NCOA7: variants seen among roughly 807,000 people sequenced by gnomAD.
NCOA7 encodes 140 kDa estrogen receptor-associated protein.
NCOA7 carries 45 observed loss-of-function variants against 104.3 expected under a neutral mutation model. The observed-to-expected ratio is 0.43, with a 90% CI of 0.34 to 0.55. The LOEUF (loss-of-function observed/expected upper bound fraction) is 0.55, where lower values mean the gene tolerates loss of function less well. Among genes scored for constraint, NCOA7 ranks in the 20% least tolerant of loss-of-function variants. NCOA7 has a pLI of 0.02. For missense variants in NCOA7, 1,041 were observed against 1,119.7 expected (o/e 0.93, Z 1.00); for synonymous variants, 398 against 402.3 (o/e 0.99, Z 0.13).
At chr6:125,781,489 G>A (rs1774225353) in intron 1 of NCOA7, 1 of 151,944 alleles carries the variant, frequency 6.6e-6, no homozygotes, top group African/African-American at 2.4e-5. Context: ...GATTTAAAGG[G>A]GTTATTAAGA....
intron 10 of NCOA7, among the ~76,000 whole-genome samples, chr6:125,907,375 A>C (rs1396543560): frequency 1.5e-5 from 2 of 132,094 alleles, no homozygotes; most frequent in Admixed American, 1.7e-4. Context: ...CGATGGGGGA[A>C]GCATTCAGGG....
chr6:125,805,064 A>C (rs1776305854), intron 1 of NCOA7, among the ~76,000 whole-genome samples: 1 of 150,910 alleles, frequency 6.6e-6, no homozygotes, highest in Non-Finnish European at 1.5e-5. Flanking sequence ...AGTTGGCCAT[A>C]AAGCTGGGTT....
intron 2 of NCOA7, among the ~76,000 whole-genome samples, chr6:125,817,628 A>G (rs1266692713): frequency 4.6e-5 from 7 of 151,940 alleles, no homozygotes; most frequent in Admixed American, 4.6e-4. Context: ...TTAGGTTTTT[A>G]CTGTTGAATT....
At chr6:125,843,536 C>T (rs1054287106) in intron 2 of NCOA7, among the ~76,000 whole-genome samples, 4 of 152,192 alleles carry the variant, frequency 2.6e-5, no homozygotes, top group African/African-American at 9.6e-5. Context: ...GAATAAACAA[C>T]TTCCAAATAC....
chr6:125,863,125 T>C lies in NCOA7; in HGVS notation c.271+7885T>C, dbSNP rs1782184283. On this transcript the variant is annotated intron_variant, in intron 3 of 15. Transcript: ENST00000392477. ...GAATTTAGAATCTAGAAATCAGTTA[T>C]ATTTCCTTAGAAACTCCAGTAGTTA... 2.2e-5 allele frequency among the ~76,000 whole-genome samples: 3 copies of C among 139,338 alleles called. 1 individual carries two copies. Among genetic ancestry groups the C allele is most frequent in the African/African-American group, 8.9e-5 (3 of 33,728 alleles). 91.4% of individuals were successfully genotyped at this position (139,338 alleles called of 152,430 possible).
At chr6:125,870,204 T>C (rs1782774442) in intron 3 of NCOA7, among the ~76,000 whole-genome samples, 1 of 152,204 alleles carries the variant, frequency 6.6e-6, no homozygotes, top group Non-Finnish European at 1.5e-5. Context: ...ATGGTAACTC[T>C]TCCAAATCTC....
At chr6:125,881,325 T>A in intron 6 of NCOA7, 122 bp downstream of exon 6, 1 of 770,418 alleles carries the variant, frequency 1.3e-6, no homozygotes, top group Non-Finnish European at 2.1e-6. Flanking sequence ...TGAGATTAGG[T>A]AATTGGAGAA....
At chr6:125,872,179 G>A (rs902769382) in intron 3 of NCOA7, among the ~76,000 whole-genome samples, 10 of 152,060 alleles carry the variant, frequency 6.6e-5, no homozygotes, top group African/African-American at 2.2e-4. Context: ...CCCACCTGTG[G>A]CAAAGGAAGG....
At chr6:125,880,448 C>T (rs573460688) in intron 5 of NCOA7, among the ~76,000 whole-genome samples, 23 of 152,140 alleles carry the variant, frequency 1.5e-4, no homozygotes, top group African/African-American at 5.5e-4. Flanking sequence ...GACCCACTTG[C>T]TTCACTTGGC....
At chr6:125,805,750 C>T (rs1776389539) in intron 1 of NCOA7, among the ~76,000 whole-genome samples, 1 of 152,188 alleles carries the variant, frequency 6.6e-6, no homozygotes, top group Non-Finnish European at 1.5e-5. Context: ...TTCACTAGGT[C>T]TGCCTGGCTT....
intron 10 of NCOA7, among the ~76,000 whole-genome samples, chr6:125,905,073 G>A (rs1473734382): frequency 6.6e-6 from 1 of 152,118 alleles, no homozygotes; most frequent in Non-Finnish European, 1.5e-5. Context: ...CTGAGGTAGT[G>A]GAAGCCCAGA....
chr6:125,809,214 A>C (rs780026277), intron 1 of NCOA7, among the ~76,000 whole-genome samples: 34 of 150,732 alleles, frequency 2.3e-4, no homozygotes, highest in Non-Finnish European at 4.0e-4. Flanking sequence ...TTTGAGAGAG[A>C]GTCTCTCTCT....
intron 13 of NCOA7, among the ~76,000 whole-genome samples, chr6:125,923,901 G>A (rs1214354027): frequency 6.6e-6 from 1 of 152,164 alleles, no homozygotes; most frequent in Non-Finnish European, 1.5e-5. Context: ...GGGTACCAAA[G>A]ACACTGTCTT....
chr6:125,866,641 A>G (rs544820080), intron 3 of NCOA7, among the ~76,000 whole-genome samples: 9 of 152,178 alleles, frequency 5.9e-5, no homozygotes, highest in Admixed American at 5.9e-4. Flanking sequence ...GTAGACCAGG[A>G]CTCTCATTCA....
rs905637132 is a variant in NCOA7 at position 125,930,734 on chromosome 6, C to T, written c.*1963C>T. 3 of 152,160 alleles carry T rather than the reference C, an allele frequency of 2.0e-5. No homozygotes were observed. Among genetic ancestry groups the T allele is most frequent in the African/African-American group, 4.8e-5 (2 of 41,440 alleles). The allele number at this position is 152,160 out of a possible 1,614,324, so 9.4% of individuals were successfully genotyped here. ...ATTTTAAATCTGTAGCCTGGGTGTA[C>T]GTTTCACTCAAGTTCTCCTACTGAG... is the stretch of plus-strand genomic sequence containing the variant. On this transcript the variant is annotated 3_prime_UTR_variant, in exon 16 of 16. Transcript: ENST00000392477.
At chr6:125,834,232 T>C (rs1308390483) in intron 2 of NCOA7, among the ~76,000 whole-genome samples, 1 of 152,180 alleles carries the variant, frequency 6.6e-6, no homozygotes, top group African/African-American at 2.4e-5. Flanking sequence ...TCTGAAATCA[T>C]CACTAGAGAA....
At chr6:125,916,477 G>T (rs1787102953) in intron 11 of NCOA7, among the ~76,000 whole-genome samples, 1 of 152,178 alleles carries the variant, frequency 6.6e-6, no homozygotes, top group Non-Finnish European at 1.5e-5. Context: ...GAAATACAAT[G>T]ATGGATAACA....
At chr6:125,909,362 C>CA (rs1302498455) in intron 10 of NCOA7, among the ~76,000 whole-genome samples, 2 of 152,152 alleles carry the variant, frequency 1.3e-5, no homozygotes, top group African/African-American at 2.4e-5. Context: ...TTCATGAAGG[C>CA]AGGGTCATTG....
At chr6:125,811,770 C>T (rs141144202) in intron 1 of NCOA7, among the ~76,000 whole-genome samples, 21 of 152,310 alleles carry the variant, frequency 1.4e-4, no homozygotes, top group Admixed American at 3.9e-4. Flanking sequence ...AGCATGGCTT[C>T]CACTCCCAAT....
Sources: gnomAD v4.1 joint callset for allele counts (sites outside exome capture counted in the v4.1 genomes callset) on GRCh38, gnomAD v4.1.1 for gene constraint, MANE v1.5 for transcripts, NCBI Gene and HGNC (gene_info 2026-07-23, HGNC 2026-07-21) for gene names.